Variants in USP24 observed in about 807,000 individuals in gnomAD.
USP24 encodes ubiquitin specific peptidase 24, also known as ubiquitin carboxyl-terminal hydrolase 24.
Under a neutral mutation model 361.6 loss-of-function variants are expected in USP24, and 97 were observed. The observed-to-expected ratio is 0.27, with a 90% CI of 0.23 to 0.32. The LOEUF is 0.32. USP24 is among the 10% of genes least tolerant of loss of function. USP24 has a pLI of 1.00. For synonymous variants in USP24, 1,098 were observed against 1,124.6 expected (o/e 0.98, Z 0.47); for missense variants, 2,353 against 3,165.6 (o/e 0.74, Z 6.16).
chr1:55,145,860 T>C, intron 20 of USP24, 138 bp downstream of exon 20: 1 of 620,504 alleles, frequency 1.6e-6, no homozygotes, highest in South Asian at 2.2e-5. Context: ...TAAATATGTC[T>C]TTAGATGCAC....
In USP24 at chr1:55,078,568, A is replaced by G; in HGVS notation, c.7284T>C (p.His2428=). ...TGAAATGCAGCATTGTGAAGGAAAA[A>G]TGCTCATTACAGAAACAGCAGTACA... ...MVVYCCFCNE[H]FSFTMLHFIK... is the part of the protein sequence containing the mutation. Residue 2428 remains histidine, a synonymous_variant, in exon 61 of 68, where the codon CAT becomes CAC. Coordinates refer to ENST00000294383, the MANE Select transcript of USP24 (RefSeq NM_015306.3). 1.2e-6 allele frequency: 2 copies of G among 1,612,080 alleles called. 1 individual carries two copies.
intron 39 of USP24, among the ~76,000 whole-genome samples, chr1:55,107,865 A>AAC (rs1553150276): frequency 0.012 from 1,780 of 146,426 alleles, 57 homozygotes; most frequent in African/African-American, 0.033. Context: ...AAAAAAAAAA[A>AAC]ACACACAAAA....
At chr1:55,137,449 G>A in intron 28 of USP24, 66 bp downstream of exon 28, 1 of 1,514,256 alleles carries the variant, frequency 6.6e-7, no homozygotes, top group South Asian at 1.3e-5. Flanking sequence ...CAGTTTGGAA[G>A]AGTCAGAACA....
chr1:55,071,711 T>A, intron 67 of USP24, 103 bp downstream of exon 67: 1 of 1,244,788 alleles, frequency 8.0e-7, no homozygotes, highest in Non-Finnish European at 1.1e-6. Flanking sequence ...TGGACTCACA[T>A]TCCAGAGGAA....
intron 1 of USP24, among the ~76,000 whole-genome samples, chr1:55,207,530 T>G (rs1644742241): frequency 6.6e-6 from 1 of 151,968 alleles, no homozygotes; most frequent in African/African-American, 2.4e-5. Context: ...GAAGAAAAAA[T>G]TAAAAATAAG....
chr1:55,084,353 CAGAA>C, intron 56 of USP24: 1 of 154,418 alleles, frequency 6.5e-6, no homozygotes, highest in Non-Finnish European at 1.4e-5. Flanking sequence ...AACAGCCTGA[CAGAA>C]TGACAACGGT....
chr1:55,144,118 C>A lies in USP24; in HGVS notation c.2439+9G>T. On this transcript the variant is annotated intron_variant, in intron 21 of 67. Transcript: ENST00000294383. ...CCAAACTATCTAGATTTGAGAATAA[C>A]GTACTTACCAACTGAGCTCCTTGTC... is the stretch of plus-strand genomic sequence containing the variant. 6.3e-7 allele frequency: 1 copy of A among 1,592,366 alleles called. No homozygotes were observed. Among genetic ancestry groups the A allele is most frequent in the South Asian group, 1.2e-5 (1 of 86,766 alleles).
At position 55,123,554 on chromosome 1, in the gene USP24, G is replaced by A. The variant is rs748041465; in HGVS notation, c.4169C>T (p.Ala1390Val). Residue 1390 changes from alanine (A) to valine (V), a missense_variant, in exon 36 of 68, where the codon GCG becomes GTG. Ala to Val is a moderately conservative substitution (Grantham distance 64). This residue lies in a region of USP24 where 949 missense variants were observed against 1,280.5 expected (regional missense o/e 0.74). Coordinates refer to ENST00000294383, the MANE Select transcript of USP24 (RefSeq NM_015306.3). The part of the protein sequence containing the change: ...GSEGEPVALH[A>V]GICVRQQSVS... The stretch of plus-strand genomic sequence containing the variant: ...AGACTGTTGTCGAACACAGATTCCC[G>A]CATGCAGGGCTACTGGTTCTCCTTC... The A allele has an allele frequency of 3.2e-5, 51 of 1,600,276 alleles. No homozygotes were observed. Among genetic ancestry groups the A allele is most frequent in the Non-Finnish European group, 3.9e-5 (46 of 1,173,364 alleles).
At chr1:55,155,017 A>G (rs1647489411) in intron 12 of USP24, among the ~76,000 whole-genome samples, 1 of 152,032 alleles carries the variant, frequency 6.6e-6, no homozygotes, top group Admixed American at 6.5e-5. Context: ...ACAATGAAAA[A>G]AAAAAACCCC....
chr1:55,083,969 C>T, intron 56 of USP24, 81 bp from the exon 57 acceptor site: 1 of 1,122,642 alleles, frequency 8.9e-7, no homozygotes, highest in Non-Finnish European at 1.3e-6. Flanking sequence ...TGAGGTAAAC[C>T]ACCATAAGAA....
chr1:55,141,812 G>T (rs911355856), intron 23 of USP24, 81 bp from the exon 24 acceptor site: 2 of 1,292,178 alleles, frequency 1.5e-6, no homozygotes, highest in Admixed American at 4.0e-5. Context: ...ATAATTTGCT[G>T]TTGCAGAGGG....
rs1415576861 is a variant in USP24 at position 55,089,674 on chromosome 1, C to CT, written c.6620dup (p.Trp2208ValfsTer4). The stretch of plus-strand genomic sequence containing the variant: ...AACTAATAAAATATTCAACTAACCA[C>CT]TGACAAGCATCAAAACTTTTTGAAA... On this transcript the variant is annotated frameshift_variant, in exon 55 of 68. Transcript: ENST00000294383. LOFTEE classifies it high-confidence loss of function. 1 of 1,604,740 alleles carries CT rather than the reference C, an allele frequency of 6.2e-7. No homozygotes were observed. The highest frequency in any genetic ancestry group is 1.7e-5 in the Admixed American group (1 of 58,830).
chr1:55,178,534 T>G (rs537757340), intron 1 of USP24, among the ~76,000 whole-genome samples: 1 of 151,600 alleles, frequency 6.6e-6, no homozygotes, highest in South Asian at 2.1e-4. Context: ...CCAGGTGTAG[T>G]GGCGGGCGCC....
rs1036447425 is a variant in USP24 at position 55,214,836 on chromosome 1, C to G, written c.278G>C (p.Gly93Ala). ...GTAGGCGGGCGGGGGGTCGAAGCCG[C>G]CCCCGCCTCCGGTGCTCCCGCCGCG... ...PSRGGSTGGGGGFDPPPAYHE... is the reference protein window; with the variant it reads ...PSRGGSTGGGAGFDPPPAYHE... The change falls in exon 1 of 68, where the codon GGC becomes GCC. Residue 93 changes from glycine to alanine, a missense_variant. Transcript: ENST00000294383. 7.4e-6 allele frequency: 9 copies of G among 1,223,132 alleles called. No homozygotes were observed. The highest frequency in any genetic ancestry group is 1.6e-5 in the African/African-American group (1 of 63,122). 75.8% of individuals were successfully genotyped at this position (1,223,132 alleles called of 1,614,324 possible).
At chr1:55,124,809 A>G (rs1195109304) in intron 34 of USP24, among the ~76,000 whole-genome samples, 181 bp from the exon 35 acceptor site, 1 of 152,152 alleles carries the variant, frequency 6.6e-6, no homozygotes, top group South Asian at 2.1e-4. Flanking sequence ...TTTTATCTGT[A>G]AAACAGATTG....
intron 12 of USP24, among the ~76,000 whole-genome samples, chr1:55,155,767 A>G (rs972999392): frequency 6.6e-6 from 1 of 152,176 alleles, no homozygotes; most frequent in Admixed American, 6.6e-5. Flanking sequence ...AGGATGAAGT[A>G]CGTCTGGCTT....
intron 5 of USP24, among the ~76,000 whole-genome samples, chr1:55,170,532 T>C (rs1490015697): frequency 1.3e-5 from 2 of 152,176 alleles, no homozygotes; most frequent in East Asian, 1.9e-4. Context: ...TCCCTGTAAC[T>C]AGGTATGTGG....
intron 16 of USP24, among the ~76,000 whole-genome samples, chr1:55,153,372 C>T (rs1427432217): frequency 6.6e-6 from 1 of 152,186 alleles, no homozygotes; most frequent in Non-Finnish European, 1.5e-5. Flanking sequence ...GCCCCAGCAA[C>T]AGATACTCAC....
Position 55,079,720 on chromosome 1 carries a change from C to T in USP24, c.7079-61G>A, listed in dbSNP as rs1645104424. The T allele has an allele frequency of 3.4e-6, 5 of 1,464,616 alleles. No individual in the cohort carries two copies. The Admixed American group carries it at 1.4e-4, about 42-fold the overall frequency. The allele number at this position is 1,464,616 out of a possible 1,614,324, so 90.7% of individuals were successfully genotyped here. On this transcript the variant is annotated intron_variant, in intron 59 of 67. Coordinates refer to ENST00000294383, the MANE Select transcript of USP24 (RefSeq NM_015306.3). The stretch of plus-strand genomic sequence containing the variant: ...TCACCTGGTGTTACTCCACAAAATA[C>T]ACATCCATAAGAAAATGTGCCTCCT...
Sources: gnomAD v4.1 joint callset for allele counts (sites outside exome capture counted in the v4.1 genomes callset) on GRCh38, gnomAD v4.1.1 for gene constraint, gnomAD v4.1.1 regional missense constraint, MANE v1.5 for transcripts, NCBI Gene and HGNC (gene_info 2026-07-23, HGNC 2026-07-21) for gene names.